Variants in GABRA2 observed in about 807,000 individuals in gnomAD.
GABRA2 encodes gamma-aminobutyric acid receptor subunit alpha-2.
In GABRA2, 16 loss-of-function variants were observed where a neutral mutation model predicts 48.7. That is an observed-to-expected ratio of 0.33 (90% CI 0.22 to 0.50). The LOEUF is 0.50. Ranked by LOEUF, GABRA2 falls within the 20% of genes least tolerant of loss-of-function variation. GABRA2 has a pLI of 0.98. For missense variants in GABRA2, 275 were observed against 535.6 expected (o/e 0.51, Z 4.80); for synonymous variants, 185 against 184.5 (o/e 1.00, Z -0.02).
At chr4:46,299,393 TGTGGTCTGC>T (rs1278664439) in intron 8 of GABRA2, among the ~76,000 whole-genome samples, 62 of 152,016 alleles carry the variant, frequency 4.1e-4, no homozygotes, top group Admixed American at 7.2e-4. Flanking sequence ...TCCCATCAAA[TGTGGTCTGC>T]AAAACAGTTT....
At chr4:46,344,758 C>A (rs751775082) in intron 3 of GABRA2, among the ~76,000 whole-genome samples, 1 of 151,588 alleles carries the variant, frequency 6.6e-6, no homozygotes, top group Non-Finnish European at 1.5e-5. Context: ...GAGTAAGGAG[C>A]GTATTTAAAC....
In GABRA2 at chr4:46,247,714, C is replaced by G. The variant is rs2109362745; in HGVS notation, c.*2594G>C. On this transcript the variant is annotated 3_prime_UTR_variant, in exon 10 of 10. Transcript: ENST00000381620. ...TGGCCTTATTGTGATAAATTAAAAT[C>G]CTTTTAAATTTGTTTTTAAATTGGT... Among the ~76,000 whole-genome samples, 1 of 151,098 alleles carries G rather than the reference C, an allele frequency of 6.6e-6. No homozygotes were observed. The highest frequency in any genetic ancestry group is 1.5e-5 in the Non-Finnish European group (1 of 67,392).
intron 3 of GABRA2, among the ~76,000 whole-genome samples, chr4:46,373,913 C>T (rs371064804): frequency 2.6e-5 from 4 of 152,246 alleles, no homozygotes; most frequent in South Asian, 2.1e-4. Flanking sequence ...CATACTCCCC[C>T]CTACCTGACC....
chr4:46,351,272 A>T (rs1362002039), intron 3 of GABRA2, among the ~76,000 whole-genome samples: 1 of 152,064 alleles, frequency 6.6e-6, no homozygotes, highest in Non-Finnish European at 1.5e-5. Context: ...AGAAATTCAT[A>T]GAAGAAATTT....
intron 8 of GABRA2, among the ~76,000 whole-genome samples, chr4:46,292,101 T>C (rs1190976970): frequency 1.3e-5 from 2 of 152,110 alleles, no homozygotes; most frequent in East Asian, 3.9e-4. Flanking sequence ...GCAAGGACTT[T>C]AGGGATTCTA....
chr4:46,315,433 T>C (rs1327676299), intron 4 of GABRA2, among the ~76,000 whole-genome samples: 1 of 152,052 alleles, frequency 6.6e-6, no homozygotes, highest in African/African-American at 2.4e-5. Flanking sequence ...GCCCTGCCAA[T>C]CTATCTAACA....
intron 8 of GABRA2, among the ~76,000 whole-genome samples, chr4:46,291,596 C>T (rs1261039382): frequency 6.6e-6 from 1 of 152,016 alleles, no homozygotes; most frequent in South Asian, 2.1e-4. Flanking sequence ...GCTAGCCTGG[C>T]TTAGCCTCCC....
intron 8 of GABRA2, among the ~76,000 whole-genome samples, chr4:46,287,516 A>G (rs1350276842): frequency 6.7e-6 from 1 of 150,248 alleles, no homozygotes; most frequent in Non-Finnish European, 1.5e-5. Context: ...ATTCTCAGTA[A>G]ACTATCGCAA....
At chr4:46,299,493 T>C (rs917031067) in intron 8 of GABRA2, among the ~76,000 whole-genome samples, 2 of 151,866 alleles carry the variant, frequency 1.3e-5, no homozygotes, top group Non-Finnish European at 3.0e-5. Context: ...ATCATGTTTA[T>C]AGTTAGTGGC....
chr4:46,313,116 CAAATAAATAAATAAATAAATAAAT>C, intron 4 of GABRA2, among the ~76,000 whole-genome samples: 1 of 134,482 alleles, frequency 7.4e-6, no homozygotes, highest in African/African-American at 2.7e-5. Context: ...TTCCCAGTAG[CAAATAAATAAATAAATAAATAAAT>C]AAATAAATAA....
At chr4:46,329,409 T>G (rs1730957947) in intron 4 of GABRA2, among the ~76,000 whole-genome samples, 1 of 152,116 alleles carries the variant, frequency 6.6e-6, no homozygotes, top group African/African-American at 2.4e-5. Flanking sequence ...ACTGACATGC[T>G]ATGAGTTTTC....
chr4:46,365,285 T>C (rs1476705960), intron 3 of GABRA2: 1 of 152,112 alleles, frequency 6.6e-6, no homozygotes, highest in African/African-American at 2.4e-5. Flanking sequence ...AGAAATACCA[T>C]GAAATTTAAA....
intron 3 of GABRA2, among the ~76,000 whole-genome samples, chr4:46,381,457 C>G (rs959670360): frequency 1.2e-4 from 19 of 152,112 alleles, no homozygotes; most frequent in Non-Finnish European, 2.2e-4. Context: ...TTTTCAGGCC[C>G]ACAATGAAAT....
chr4:46,313,727 C>T (rs1487819806), intron 4 of GABRA2, among the ~76,000 whole-genome samples: 1 of 151,996 alleles, frequency 6.6e-6, no homozygotes, highest in Non-Finnish European at 1.5e-5. Context: ...TTTGTATAAA[C>T]ATACTATAAA....
intron 3 of GABRA2, chr4:46,365,098 A>G (rs1713837581): frequency 6.6e-6 from 1 of 152,172 alleles, no homozygotes; most frequent in African/African-American, 2.4e-5. Flanking sequence ...CAAGGGAAAT[A>G]CAACATATTT....
chr4:46,348,226 T>C (rs1355026106), intron 3 of GABRA2, among the ~76,000 whole-genome samples: 2 of 152,030 alleles, frequency 1.3e-5, no homozygotes, highest in East Asian at 1.9e-4. Context: ...CACAATGAGA[T>C]ACCATCTCAC....
At chr4:46,272,833 C>T (rs1719595180) in intron 8 of GABRA2, among the ~76,000 whole-genome samples, 1 of 151,934 alleles carries the variant, frequency 6.6e-6, no homozygotes, top group Admixed American at 6.6e-5. Context: ...GAAGCAGGAG[C>T]CAGACTAATC....
Position 46,252,467 on chromosome 4 carries a change from T to C in GABRA2, c.1060-1863A>G, listed in dbSNP as rs1198327505. On this transcript the variant is annotated intron_variant, in intron 9 of 9. Transcript: ENST00000381620. ...CACTACGGGATAGGAAGTTCCTTTA[T>C]TAACCCCATGATATAGGTTCAAAAA... Among the ~76,000 whole-genome samples, 8 of 149,516 alleles carry C rather than the reference T, an allele frequency of 5.4e-5. No individual in the cohort carries two copies. In the South Asian group the frequency reaches 1.3e-3, roughly 25 times the overall value.
chr4:46,381,441 G>A (rs1159322524), intron 3 of GABRA2, among the ~76,000 whole-genome samples: 2 of 152,120 alleles, frequency 1.3e-5, no homozygotes, highest in Non-Finnish European at 2.9e-5. Context: ...GCAATGCCAT[G>A]TCAATTTTTC....
Sources: allele counts gnomAD v4.1 joint callset (sites outside exome capture counted in the v4.1 genomes callset), GRCh38; gene constraint gnomAD v4.1.1; transcripts MANE v1.5; gene names NCBI Gene and HGNC (gene_info 2026-07-23, HGNC 2026-07-21).